The following SF3B2 variants were observed in gnomAD, a reference collection of about 807,000 sequenced individuals.
SF3B2 encodes SAP 145.
Under a neutral mutation model 116.3 loss-of-function variants are expected in SF3B2, and 22 were observed. That is an observed-to-expected ratio of 0.19 (90% CI 0.14 to 0.27). The LOEUF (loss-of-function observed/expected upper bound fraction) is 0.27, where lower values mean the gene tolerates loss of function less well. SF3B2 is among the 10% of genes least tolerant of loss of function. The probability of loss-of-function intolerance (pLI) is 1.00; values close to 1 mark genes in which losing one functional copy is unlikely to be tolerated. For synonymous variants in SF3B2, 406 were observed against 421.6 expected (o/e 0.96, Z 0.45); for missense variants, 767 against 1,151.4 (o/e 0.67, Z 4.83).
In SF3B2 at chr11:66,059,517, AAAG is replaced by A. The variant is rs753442842; in HGVS notation, c.1327_1329del (p.Lys443del). The A allele has an allele frequency of 1.2e-6, 2 of 1,614,044 alleles. No individual in the cohort carries two copies. The highest frequency in any genetic ancestry group is 1.7e-6 in the Non-Finnish European group (2 of 1,180,000). On this transcript the variant is annotated inframe_deletion, in exon 12 of 22. Transcript: ENST00000322535. The surrounding 1 kb of genome is among the most constrained non-coding windows in gnomAD (Gnocchi z 5.0). Reference sequence around the variant, plus strand: ...AAGGGCTGATTGTTCTGTTCTAGGAAAAGAAGCCAGAAGCCCCCAAGCTGTCCA... The same window carrying A: ...AAGGGCTGATTGTTCTGTTCTAGGAAAAGCCAGAAGCCCCCAAGCTGTCCA...
At chr11:66,063,319 A>G in intron 17 of SF3B2, 81 bp from the exon 18 acceptor site, 1 of 1,379,318 alleles carries the variant, frequency 7.2e-7, no homozygotes, top group Non-Finnish European at 1.0e-6. Context: ...TTTGACTCTT[A>G]CACCCCTTCA....
At chr11:66,064,346 C>G (rs770085682) in intron 19 of SF3B2, among the ~76,000 whole-genome samples, 1 of 152,090 alleles carries the variant, frequency 6.6e-6, no homozygotes, top group Non-Finnish European at 1.5e-5. Flanking sequence ...AGTTGTTGCT[C>G]TGGGGTTTAT....
chr11:66,060,131 C>A, intron 13 of SF3B2, 122 bp downstream of exon 13: 1 of 894,516 alleles, frequency 1.1e-6, no homozygotes, highest in Non-Finnish European at 1.7e-6. Context: ...GTCTAATTAT[C>A]CTTTTGTTTT....
In SF3B2 at chr11:66,055,088, C is replaced by G; in HGVS notation, c.271C>G (p.Pro91Ala). Reference protein sequence around the residue: ...PPMSAQLPGIPMPPPPLGLPP... With the variant: ...PPMSAQLPGIAMPPPPLGLPP... ...ATTTTCTCCACAGCTCCCTGGAATT[C>G]CCATGCCACCACCACCTTTGGGACT... is the stretch of plus-strand genomic sequence containing the variant. The change falls in exon 4 of 22, where the codon CCC becomes GCC. Residue 91 changes from proline (P) to alanine (A), a missense_variant. By Grantham distance (27) the Pro-to-Ala change is conservative. Coordinates refer to ENST00000322535, the MANE Select transcript of SF3B2 (RefSeq NM_006842.3). 1 of 1,514,472 alleles carries G rather than the reference C, an allele frequency of 6.6e-7. No homozygotes were observed. The highest frequency in any genetic ancestry group is 1.3e-5 in the South Asian group (1 of 74,964). 93.8% of individuals were successfully genotyped at this position (1,514,472 alleles called of 1,614,324 possible).
intron 21 of SF3B2, 38 bp from the exon 22 acceptor site, chr11:66,068,636 C>G (rs1051307684): frequency 6.2e-7 from 1 of 1,600,864 alleles, no homozygotes; most frequent in Non-Finnish European, 8.6e-7. Context: ...GGGGGTGGTT[C>G]AACCTGTCTT....
intron 21 of SF3B2, 107 bp from the exon 22 acceptor site, chr11:66,068,567 C>T (rs1857232190): frequency 5.0e-6 from 5 of 1,009,702 alleles, no homozygotes; most frequent in Middle Eastern, 2.9e-4. Context: ...TCAGATTCAG[C>T]GCCTTTCCCA....
chr11:66,063,289 G>A (rs1857127140), intron 17 of SF3B2, 111 bp from the exon 18 acceptor site: 3 of 1,150,808 alleles, frequency 2.6e-6, no homozygotes, highest in Non-Finnish European at 3.7e-6. Context: ...TGAGCTCTAG[G>A]TAGGTAGGGA....
At position 66,068,021 on chromosome 11, in the gene SF3B2, A is replaced by C. The variant is rs1857217718; in HGVS notation, c.2406A>C (p.Ser802=). 1 of 1,614,214 alleles carries C rather than the reference A, an allele frequency of 6.2e-7. No individual in the cohort carries two copies. Among genetic ancestry groups the C allele is most frequent in the Non-Finnish European group, 8.5e-7 (1 of 1,180,044 alleles). Residue 802 remains serine (S), a synonymous_variant, in exon 20 of 22, where the codon TCA becomes TCC. Coordinates refer to ENST00000322535, the MANE Select transcript of SF3B2 (RefSeq NM_006842.3). ...TATVGGAMMG[S]THIYDMSTVM... ...CTGTTGGAGGGGCCATGATGGGATC[A>C]ACCCACATTTATGACATGTCCACGG...
intron 19 of SF3B2, among the ~76,000 whole-genome samples, chr11:66,064,082 C>G (rs1259788122): frequency 2.0e-5 from 3 of 152,152 alleles, no homozygotes; most frequent in East Asian, 1.9e-4. Context: ...TAAATGCAAG[C>G]AAGTGCAAAG....
At chr11:66,062,772 A>G (rs1016038268) in intron 16 of SF3B2, among the ~76,000 whole-genome samples, 10 of 152,348 alleles carry the variant, frequency 6.6e-5, no homozygotes, top group Admixed American at 6.5e-4. Context: ...AGACTCTGCC[A>G]TGACAGAAGT....
intron 19 of SF3B2, chr11:66,066,051 T>A (rs1167405014): frequency 6.6e-6 from 1 of 152,116 alleles, no homozygotes; most frequent in East Asian, 1.9e-4. Flanking sequence ...TTTTTTGTAT[T>A]TTTAGTAGAG....
In SF3B2 at chr11:66,057,338, G is replaced by A. The variant is rs902080717; in HGVS notation, c.740G>A (p.Arg247His). The A allele has an allele frequency of 1.5e-5, 24 of 1,587,340 alleles. No homozygotes were observed. The highest frequency in any genetic ancestry group is 3.3e-5 in the Admixed American group (2 of 59,978). Residue 247 changes from arginine (R) to histidine (H), a missense_variant, in exon 7 of 22, where the codon CGT becomes CAT. Arg to His is a conservative substitution (Grantham distance 29). Coordinates refer to ENST00000322535, the MANE Select transcript of SF3B2 (RefSeq NM_006842.3). ...LPMGAPVPRPRGPPPPPGDEN... is the reference protein window; with the variant it reads ...LPMGAPVPRPHGPPPPPGDEN... Reference sequence around the variant, plus strand: ...ATGGGAGCCCCTGTTCCCCGGCCTCGTGGTCCCCCACCGCCCCCTGGAGAT... The same window carrying A: ...ATGGGAGCCCCTGTTCCCCGGCCTCATGGTCCCCCACCGCCCCCTGGAGAT...
chr11:66,064,824 A>G (rs1297020961), intron 19 of SF3B2: 1 of 152,220 alleles, frequency 6.6e-6, no homozygotes, highest in Admixed American at 6.5e-5. Context: ...TCTACAAAAT[A>G]TTAAAAAAAC....
At chr11:66,068,088 A>G in intron 20 of SF3B2, 43 bp downstream of exon 20, 1 of 1,611,648 alleles carries the variant, frequency 6.2e-7, no homozygotes, top group Non-Finnish European at 8.5e-7. Context: ...TGAGAAAGGC[A>G]GCAGAAGCTA....
At position 66,059,767 on chromosome 11, in the gene SF3B2, C is replaced by T; in HGVS notation, c.1402-15C>T. ...TCGGGGCTCTCGAGAACACGCATTACTATGTGTTTTCCAGCTGGTGGCTCG... is the reference window on the plus strand; with the variant it reads ...TCGGGGCTCTCGAGAACACGCATTATTATGTGTTTTCCAGCTGGTGGCTCG... On this transcript the variant is annotated splice_polypyrimidine_tract_variant and intron_variant, in intron 12 of 21. Transcript: ENST00000322535. The surrounding 1 kb of genome is among the most constrained non-coding windows in gnomAD (Gnocchi z 5.0). 1 of 1,613,622 alleles carries T rather than the reference C, an allele frequency of 6.2e-7. No homozygotes were observed. Among genetic ancestry groups the T allele is most frequent in the South Asian group, 1.1e-5 (1 of 91,070 alleles).
intron 14 of SF3B2, 63 bp downstream of exon 14, chr11:66,060,794 T>G (rs551055328): frequency 5.4e-5 from 83 of 1,533,034 alleles, no homozygotes; most frequent in African/African-American, 1.1e-4. Flanking sequence ...TAGGGCTTTT[T>G]TTTGTTTGTT....
chr11:66,067,852 C>T (rs954603262), intron 19 of SF3B2, 94 bp from the exon 20 acceptor site: 16 of 931,658 alleles, frequency 1.7e-5, no homozygotes, highest in South Asian at 3.0e-5. Context: ...CTCTCCAAGG[C>T]GCTGAGTGGA....
intron 14 of SF3B2, 63 bp downstream of exon 14, chr11:66,060,794 T>TG: frequency 1.3e-6 from 2 of 1,533,034 alleles, no homozygotes; most frequent in Non-Finnish European, 8.9e-7. Flanking sequence ...TAGGGCTTTT[T>TG]TTTGTTTGTT....
chr11:66,068,817 C>CG lies in SF3B2; in HGVS notation c.*73dup. 1 of 1,177,360 alleles carries CG rather than the reference C, an allele frequency of 8.5e-7. No homozygotes were observed. The highest frequency in any genetic ancestry group is 2.3e-5 in the East Asian group (1 of 42,706). 72.9% of individuals were successfully genotyped at this position (1,177,360 alleles called of 1,614,324 possible). ...GGCTTCACACAAGAACCACCTCTCC[C>CG]GCAGTTCCCAAGGACTTGTCATTTC... On this transcript the variant is annotated 3_prime_UTR_variant, in exon 22 of 22. Transcript: ENST00000322535.
Sources: gnomAD v4.1 joint callset for allele counts (sites outside exome capture counted in the v4.1 genomes callset) on GRCh38, gnomAD v4.1.1 for gene constraint, Gnocchi (gnomAD v3.1) non-coding constraint, MANE v1.5 for transcripts, NCBI Gene and HGNC (gene_info 2026-07-23, HGNC 2026-07-21) for gene names.